The following PABPC1 variants were observed in gnomAD, a reference collection of about 807,000 sequenced individuals.
The protein encoded by PABPC1 is polyadenylate-binding protein 1.
PABPC1 carries 4 observed loss-of-function variants against 74.0 expected under a neutral mutation model. The ratio of observed to expected loss-of-function variants is 0.05; its 90% CI spans 0.03 to 0.12. PABPC1 has a LOEUF of 0.12. Among genes scored for constraint, PABPC1 ranks in the 10% least tolerant of loss-of-function variants. The probability of loss-of-function intolerance (pLI) is 1.00; values close to 1 mark genes in which losing one functional copy is unlikely to be tolerated. For missense variants in PABPC1, 271 were observed against 821.1 expected, an observed-to-expected ratio of 0.33 and a Z score of 8.19; for synonymous variants, 227 against 264.1, an observed-to-expected ratio of 0.86 and a Z score of 1.36.
intron 3 of PABPC1, among the ~76,000 whole-genome samples, chr8:100,716,599 T>C (rs1203110587): frequency 6.6e-6 from 1 of 152,262 alleles, no homozygotes; most frequent in Non-Finnish European, 1.5e-5. Context: ...AAAATATGGT[T>C]GGTCTTCGCT....
At chr8:100,709,272 A>T in intron 8 of PABPC1, 49 bp from the exon 9 acceptor site, 6 of 1,537,624 alleles carry the variant, frequency 3.9e-6, no homozygotes, top group Non-Finnish European at 5.4e-6. Flanking sequence ...AAAAAAGCAA[A>T]TAATGCAATA....
chr8:100,715,428 C>T, intron 4 of PABPC1, 34 bp downstream of exon 4: 1 of 1,555,438 alleles, frequency 6.4e-7, no homozygotes, highest in Non-Finnish European at 8.7e-7. Flanking sequence ...TAATTCAGAG[C>T]TTTGTGTGTA....
chr8:100,708,880 AAAATAAAT>A (rs60749457), intron 9 of PABPC1, among the ~76,000 whole-genome samples: 300 of 145,384 alleles, frequency 2.1e-3, no homozygotes, highest in Non-Finnish European at 2.0e-3. Flanking sequence ...CTCTGTCTCG[AAAATAAAT>A]AAATAAATAA....
intron 8 of PABPC1, 97 bp downstream of exon 8, chr8:100,709,362 C>T: frequency 2.7e-6 from 4 of 1,503,164 alleles, no homozygotes; most frequent in Non-Finnish European, 3.7e-6. Context: ...ATTCCCCTTT[C>T]TTAATGTTTC....
intron 14 of PABPC1, chr8:100,704,082 C>G (rs1275927673): frequency 7.2e-6 from 3 of 419,088 alleles, no homozygotes; most frequent in Non-Finnish European, 8.5e-6. Flanking sequence ...AAAACACCAC[C>G]TGAAAGTCCT....
Position 100,709,442 on chromosome 8 carries a change from T to C in PABPC1, c.1245+17A>G. The C allele has an allele frequency of 6.4e-7, 1 of 1,557,964 alleles. No individual in the cohort carries two copies. Among genetic ancestry groups the C allele is most frequent in the Non-Finnish European group, 8.7e-7 (1 of 1,147,344 alleles). On this transcript the variant is annotated intron_variant, in intron 8 of 14. Coordinates refer to ENST00000318607, the MANE Select transcript of PABPC1 (RefSeq NM_002568.4). ...ATACGAAAACCTTCATGGTTCTGGT[T>C]GCCTTCTAAAACCTACCTGTGGGAT...
chr8:100,720,171 G>A (rs897932970), intron 1 of PABPC1, among the ~76,000 whole-genome samples: 2 of 152,142 alleles, frequency 1.3e-5, no homozygotes, highest in African/African-American at 2.4e-5. Flanking sequence ...GGGGGAAAAA[G>A]GCAAAATTGG....
At chr8:100,704,054 CAA>C (rs34116624) in intron 14 of PABPC1, 6,942 of 176,042 alleles carry the variant, frequency 0.039, 1 homozygote, top group South Asian at 0.064. Context: ...AACTCCATCT[CAA>C]AAAAAAAAAA....
intron 3 of PABPC1, among the ~76,000 whole-genome samples, chr8:100,717,120 C>T (rs1056847435): frequency 6.6e-6 from 1 of 152,136 alleles, no homozygotes; most frequent in Non-Finnish European, 1.5e-5. Context: ...AAGTGATTCT[C>T]CTGCCTCAGC....
rs953644793 is a variant in PABPC1, at chr8:100,721,985, A to G, written c.-402T>C. ...TTGTAAATTTTTTTGGGGTTTTTTA[A>G]AAGATTTTTTTAGATTTTTTTTGGA... On this transcript the variant is annotated 5_prime_UTR_variant, in exon 1 of 15. Transcript: ENST00000318607. This position sits in a 1 kb window ranked among gnomAD's most constrained non-coding sequence, Gnocchi z 7.4. The G allele has an allele frequency of 2.4e-5, 4 of 167,764 alleles. No homozygotes were observed. The highest frequency in any genetic ancestry group is 7.2e-5 in the African/African-American group (3 of 41,816). The allele number at this position is 167,764 out of a possible 1,614,324, so 10.4% of individuals were successfully genotyped here.
At chr8:100,707,072 G>A (rs888711207) in intron 9 of PABPC1, 75 bp from the exon 10 acceptor site, 19 of 1,086,972 alleles carry the variant, frequency 1.7e-5, no homozygotes, top group Admixed American at 6.4e-5. Flanking sequence ...TGTCTTCTTC[G>A]ATCTGAGGTT....
Position 100,705,015 on chromosome 8 carries a change from G to C in PABPC1, c.1729C>G (p.Leu577Val). The stretch of plus-strand genomic sequence containing the variant: ...AACATGCCAGTGATTTTACCAGCAA[G>C]AGTAGGGTGCATGGCTTGAATAAGA... ...FPLIQAMHPT[L>V]AGKITGMLLE... Residue 577 changes from leucine to valine, a missense_variant, in exon 13 of 15, where the codon CTT (leucine) becomes GTT (valine). Leu to Val is a conservative substitution (Grantham distance 32). Around this residue, in one of 7 missense-constraint regions of PABPC1, gnomAD observed 103 missense variants for 245.3 expected, o/e 0.42. Transcript: ENST00000318607. The C allele has an allele frequency of 1.2e-6, 2 of 1,614,030 alleles. No homozygotes were observed. Among genetic ancestry groups the C allele is most frequent in the Non-Finnish European group, 1.7e-6 (2 of 1,179,978 alleles).
rs796594192 is a variant in PABPC1 at position 100,720,158 on chromosome 8, A to AG, written c.193+1232dup. 1.7e-4 allele frequency among the ~76,000 whole-genome samples: 26 copies of AG among 152,232 alleles called. 1 individual carries two copies. Among genetic ancestry groups the AG allele is most frequent in the African/African-American group, 3.4e-4 (14 of 41,550 alleles). ...ACATGTATTCAAGTGGCCAGCCTGT[A>AG]GGGGGGGAAAAAGGCAAAATTGGGC... On this transcript the variant is annotated intron_variant, in intron 1 of 14. Transcript: ENST00000318607.
At chr8:100,710,974 C>A (rs1395973021) in intron 7 of PABPC1, among the ~76,000 whole-genome samples, 1 of 150,746 alleles carries the variant, frequency 6.6e-6, no homozygotes, top group Non-Finnish European at 1.5e-5. Context: ...AAAAATAAAA[C>A]AAATGTTCCC....
rs546234224 is a variant in PABPC1, at chr8:100,716,645, G to A, written c.504-1044C>T. On this transcript the variant is annotated intron_variant, in intron 3 of 14. Coordinates refer to ENST00000318607, the MANE Select transcript of PABPC1 (RefSeq NM_002568.4). Reference sequence around the variant, plus strand: ...TTTCATAAATGTTCTCAAAGGGAGCGTATTTCATTGTGACCATCACTTTCT... The same window carrying A: ...TTTCATAAATGTTCTCAAAGGGAGCATATTTCATTGTGACCATCACTTTCT... Among the ~76,000 whole-genome samples, 10 of 152,290 alleles carry A rather than the reference G, an allele frequency of 6.6e-5. No individual in the cohort carries two copies. In the South Asian group the frequency reaches 1.0e-3, roughly 16 times the overall value.
At chr8:100,718,737 T>C (rs1003119557) in intron 1 of PABPC1, among the ~76,000 whole-genome samples, 1 of 152,190 alleles carries the variant, frequency 6.6e-6, no homozygotes, top group East Asian at 1.9e-4. Context: ...TTGCTAAAAT[T>C]GGTCATTTCA....
chr8:100,704,260 A>C (rs761683036), intron 14 of PABPC1, 37 bp downstream of exon 14: 1 of 1,472,086 alleles, frequency 6.8e-7, no homozygotes, highest in East Asian at 2.3e-5. Context: ...GATGAAGAAA[A>C]CAAGCTTAAA....
chr8:100,718,344 T>G, intron 1 of PABPC1, 64 bp from the exon 2 acceptor site: 1 of 1,339,880 alleles, frequency 7.5e-7, no homozygotes, highest in Non-Finnish European at 1.0e-6. Context: ...CTTAAGATTA[T>G]ATAAACTATG....
intron 12 of PABPC1, 34 bp from the exon 13 acceptor site, chr8:100,705,090 T>C: frequency 1.3e-6 from 2 of 1,589,278 alleles, no homozygotes; most frequent in Non-Finnish European, 1.7e-6. Context: ...CTCCCTTCAA[T>C]AAAAAAAAGT....
Sources: allele counts gnomAD v4.1 joint callset (sites outside exome capture counted in the v4.1 genomes callset), GRCh38; gene constraint gnomAD v4.1.1; regional missense constraint gnomAD v4.1.1; non-coding constraint Gnocchi (gnomAD v3.1); transcripts MANE v1.5; gene names NCBI Gene and HGNC (gene_info 2026-07-23, HGNC 2026-07-21).